Variants in CSMD1 observed in about 807,000 individuals in gnomAD.
CSMD1 encodes the protein CUB and Sushi multiple domains 1.
In CSMD1, 213 loss-of-function variants were observed where a neutral mutation model predicts 417.5. The ratio of observed to expected loss-of-function variants is 0.51; its 90% CI spans 0.46 to 0.57. The LOEUF (loss-of-function observed/expected upper bound fraction) is 0.57, where lower values mean the gene tolerates loss of function less well. CSMD1 is among the 20% of genes least tolerant of loss of function. The pLI is 0.00. For synonymous variants in CSMD1, 2,862 were observed against 1,736.8 expected (o/e 1.65, Z -16.11); for missense variants, 6,923 against 4,529.7 (o/e 1.53, Z -15.17).
At chr8:3,778,409 T>C (rs2623656) in intron 5 of CSMD1, among the ~76,000 whole-genome samples, 39,761 of 151,878 alleles carry the variant, frequency 0.26, 5,810 homozygotes, top group African/African-American at 0.4. Flanking sequence ...AATAAAAAGA[T>C]TCAACACTTA....
At chr8:4,290,368 G>C (rs571941271) in intron 3 of CSMD1, among the ~76,000 whole-genome samples, 2 of 152,180 alleles carry the variant, frequency 1.3e-5, no homozygotes, top group East Asian at 1.9e-4. Context: ...AATGGAGGGA[G>C]AGAAGCCCAA....
At chr8:4,833,454 G>C (rs999610969) in intron 1 of CSMD1, among the ~76,000 whole-genome samples, 7 of 152,168 alleles carry the variant, frequency 4.6e-5, no homozygotes, top group Admixed American at 4.6e-4. Flanking sequence ...CTCTCACTAG[G>C]ACCCTACCTC....
rs1011109798 is a variant in CSMD1 at position 4,981,165 on chromosome 8, C to T, written c.85+13167G>A. Among the ~76,000 whole-genome samples, 12 of 85,366 alleles carry T rather than the reference C, an allele frequency of 1.4e-4. 1 individual carries two copies. Among genetic ancestry groups the T allele is most frequent in the Admixed American group, 2.6e-4 (3 of 11,490 alleles). 56.0% of individuals were successfully genotyped at this position (85,366 alleles called of 152,430 possible). ...ATCAAAATATAGATATTATTTGAAACGTTCAACTGAAAACGCTTTACCATG... is the reference window on the plus strand; with the variant it reads ...ATCAAAATATAGATATTATTTGAAATGTTCAACTGAAAACGCTTTACCATG... On this transcript the variant is annotated intron_variant, in intron 1 of 69. Transcript: ENST00000635120.
At chr8:4,024,878 A>C (rs960733760) in intron 4 of CSMD1, among the ~76,000 whole-genome samples, 2 of 152,206 alleles carry the variant, frequency 1.3e-5, no homozygotes, top group Non-Finnish European at 2.9e-5. Flanking sequence ...AAGGTTTGCT[A>C]AAACAAAGTG....
intron 1 of CSMD1, among the ~76,000 whole-genome samples, chr8:4,885,428 C>T (rs573703301): frequency 2.6e-5 from 4 of 151,956 alleles, no homozygotes; most frequent in African/African-American, 7.3e-5. Context: ...AGGGGGAAAG[C>T]GTTTAGTCTT....
At chr8:4,415,787 G>C (rs1178599025) in intron 3 of CSMD1, among the ~76,000 whole-genome samples, 1 of 152,188 alleles carries the variant, frequency 6.6e-6, no homozygotes, top group African/African-American at 2.4e-5. Flanking sequence ...ATGTGTATGA[G>C]CACACGTGTT....
rs532206888 is a variant in CSMD1, at chr8:3,493,685, G to T, written c.1386C>A (p.Gly462=). ...LAFEEFELER[G]YDTLTVGDAG... is the part of the protein sequence containing the mutation. ...CATCACCAACCGTCAGGGTGTCATA[G>T]CCTCGCTCCAGCTCAAACTCTTCAA... Residue 462 remains glycine (G), a synonymous_variant, in exon 11 of 70, where the codon GGC becomes GGA. Coordinates refer to ENST00000635120, the MANE Select transcript of CSMD1 (RefSeq NM_033225.6). 3 of 1,612,212 alleles carry T rather than the reference G, an allele frequency of 1.9e-6. No homozygotes were observed. The highest frequency in any genetic ancestry group is 2.7e-5 in the African/African-American group (2 of 74,898).
chr8:3,250,268 C>T (rs552149143), intron 26 of CSMD1, among the ~76,000 whole-genome samples: 112 of 152,240 alleles, frequency 7.4e-4, no homozygotes, highest in African/African-American at 2.6e-3. Flanking sequence ...TCCATGTGTA[C>T]TCATTGTTCA....
chr8:4,435,234 C>G (rs1332840109), intron 2 of CSMD1, among the ~76,000 whole-genome samples: 1 of 151,944 alleles, frequency 6.6e-6, no homozygotes, highest in Non-Finnish European at 1.5e-5. Flanking sequence ...AAAATTAAAC[C>G]TTGAAAAAAA....
intron 68 of CSMD1, among the ~76,000 whole-genome samples, chr8:2,943,032 T>C (rs1304091351): frequency 6.6e-6 from 1 of 152,176 alleles, no homozygotes; most frequent in African/African-American, 2.4e-5. Context: ...ATATCCCAGT[T>C]ATCCATAAAA....
intron 3 of CSMD1, among the ~76,000 whole-genome samples, chr8:4,258,933 C>T (rs544607058): frequency 7.9e-5 from 12 of 152,280 alleles, no homozygotes; most frequent in Non-Finnish European, 1.5e-5. Context: ...TATAGACAAA[C>T]TTATTTCATC....
chr8:3,463,439 T>G (rs958423803), intron 12 of CSMD1, among the ~76,000 whole-genome samples: 1 of 152,240 alleles, frequency 6.6e-6, no homozygotes, highest in African/African-American at 2.4e-5. Context: ...CAACTGAGCA[T>G]TCCCACAACA....
At position 4,916,817 on chromosome 8, in the gene CSMD1, T is replaced by G. The variant is rs78123043; in HGVS notation, c.85+77515A>C. On this transcript the variant is annotated intron_variant, in intron 1 of 69. Coordinates refer to ENST00000635120, the MANE Select transcript of CSMD1 (RefSeq NM_033225.6). ...GCTTTACTATATTAAAAGTAGATAA[T>G]GCATTCAACAGAATCCCTGAGAATA... is the stretch of plus-strand genomic sequence containing the variant. Among the ~76,000 whole-genome samples, 1,235 of 152,350 alleles carry G rather than the reference T, an allele frequency of 8.1e-3. 35 individuals are homozygous for G. The highest frequency in any genetic ancestry group is 0.051 in the Admixed American group (788 of 15,304).
chr8:4,395,321 C>A (rs758800330), intron 3 of CSMD1, among the ~76,000 whole-genome samples: 25 of 152,310 alleles, frequency 1.6e-4, no homozygotes, highest in Admixed American at 4.6e-4. Context: ...AGCCCCTTCG[C>A]TATTCTTAGT....
chr8:3,289,354 G>T (rs1157184052), intron 25 of CSMD1, among the ~76,000 whole-genome samples: 1 of 147,410 alleles, frequency 6.8e-6, no homozygotes, highest in Non-Finnish European at 1.5e-5. Flanking sequence ...TAATGGGATG[G>T]CTGGGTCAAA....
chr8:3,900,450 C>T (rs1225592306), intron 5 of CSMD1, among the ~76,000 whole-genome samples: 2 of 141,598 alleles, frequency 1.4e-5, no homozygotes, highest in African/African-American at 5.4e-5. Flanking sequence ...AGCACAGCTG[C>T]ATAACAGTGC....
At chr8:3,540,016 G>A (rs1399219930) in intron 10 of CSMD1, among the ~76,000 whole-genome samples, 8 of 152,068 alleles carry the variant, frequency 5.3e-5, no homozygotes, top group Non-Finnish European at 1.0e-4. Context: ...GTAAAACAGG[G>A]CTGCTTCTGT....
At position 4,041,040 on chromosome 8, in the gene CSMD1, G is replaced by A. The variant is rs1414278767; in HGVS notation, c.416-8941C>T. Among the ~76,000 whole-genome samples, 459 of 117,724 alleles carry A rather than the reference G, an allele frequency of 3.9e-3. 1 individual carries two copies. Among genetic ancestry groups the A allele is most frequent in the African/African-American group, 0.015 (429 of 29,404 alleles). The allele number at this position is 117,724 out of a possible 152,430, so 77.2% of individuals were successfully genotyped here. A position where few individuals can be genotyped will look rare whatever the true frequency, so the allele number is the denominator to read the frequency against. On this transcript the variant is annotated intron_variant, in intron 3 of 69. Transcript: ENST00000635120. ...TCCTTTTTTTTTTTTTTTTTGAGAC[G>A]GAGTCTCGCTCTGTCGCCCAGGCTG...
intron 1 of CSMD1, among the ~76,000 whole-genome samples, chr8:4,667,999 C>A (rs141677048): frequency 6.6e-6 from 1 of 152,172 alleles, no homozygotes; most frequent in African/African-American, 2.4e-5. Flanking sequence ...ATTTTCGACT[C>A]CATTTTTTAA....
Sources: allele counts gnomAD v4.1 joint callset (sites outside exome capture counted in the v4.1 genomes callset), GRCh38; gene constraint gnomAD v4.1.1; transcripts MANE v1.5; gene names NCBI Gene and HGNC (gene_info 2026-07-23, HGNC 2026-07-21).